The following KCTD16 variants were observed in gnomAD, a reference collection of about 807,000 sequenced individuals.
KCTD16 encodes BTB/POZ domain-containing protein KCTD16.
KCTD16 carries 13 observed loss-of-function variants against 33.2 expected under a neutral mutation model. The observed-to-expected ratio is 0.39, with a 90% CI of 0.25 to 0.62. The LOEUF is 0.62. Among genes scored for constraint, KCTD16 ranks in the 20% least tolerant of loss-of-function variants. The probability of loss-of-function intolerance (pLI) is 0.50; values close to 1 mark genes in which losing one functional copy is unlikely to be tolerated. For synonymous variants in KCTD16, 197 were observed against 195.3 expected, an observed-to-expected ratio of 1.01 and a Z score of -0.07; for missense variants, 441 against 525.1, an observed-to-expected ratio of 0.84 and a Z score of 1.57.
intron 3 of KCTD16, among the ~76,000 whole-genome samples, chr5:144,320,390 A>C (rs1752039999): frequency 6.6e-6 from 1 of 152,216 alleles, no homozygotes; most frequent in African/African-American, 2.4e-5. Flanking sequence ...TTGGCAAAGA[A>C]AGAAAAGCTC....
intron 3 of KCTD16, among the ~76,000 whole-genome samples, chr5:144,209,870 G>A (rs1753317460): frequency 6.9e-6 from 1 of 144,540 alleles, no homozygotes; most frequent in African/African-American, 2.6e-5. Context: ...ACATATATAT[G>A]TGTGTATGTA....
At chr5:144,319,264 A>G (rs1752011080) in intron 3 of KCTD16, among the ~76,000 whole-genome samples, 1 of 152,086 alleles carries the variant, frequency 6.6e-6, no homozygotes, top group African/African-American at 2.4e-5. Flanking sequence ...TTTTATTTAC[A>G]TTTTGTAGAT....
intron 3 of KCTD16, among the ~76,000 whole-genome samples, chr5:144,316,580 TC>T (rs1751921862): frequency 6.8e-6 from 1 of 147,366 alleles, no homozygotes; most frequent in African/African-American, 2.5e-5. Context: ...GCGCGATCTC[TC>T]CACTCACTGC....
chr5:144,312,787 C>T lies in KCTD16; in HGVS notation c.832+105241C>T, dbSNP rs143853690. Among the ~76,000 whole-genome samples, 61 of 152,304 alleles carry T rather than the reference C, an allele frequency of 4.0e-4. 1 individual carries two copies. In the East Asian group the frequency reaches 0.011, roughly 27 times the overall value. ...AGGGTTCCTTTTTATCCCTTTCCCT[C>T]GCACTTCTCATGGTATTTGGAATGG... On this transcript the variant is annotated intron_variant, in intron 3 of 3. Coordinates refer to ENST00000512467, the MANE Select transcript of KCTD16 (RefSeq NM_020768.4).
At chr5:144,224,852 C>A (rs1467923448) in intron 3 of KCTD16, among the ~76,000 whole-genome samples, 1 of 152,128 alleles carries the variant, frequency 6.6e-6, no homozygotes, top group African/African-American at 2.4e-5. Context: ...CCACAAAACC[C>A]CACAATGGTA....
At chr5:144,409,584 C>A (rs369073247) in intron 3 of KCTD16, among the ~76,000 whole-genome samples, 1 of 151,970 alleles carries the variant, frequency 6.6e-6, no homozygotes, top group African/African-American at 2.4e-5. Flanking sequence ...GCGGGCCAGA[C>A]GCTGTGGCTC....
intron 3 of KCTD16, among the ~76,000 whole-genome samples, chr5:144,420,322 G>A (rs1474493106): frequency 6.6e-6 from 1 of 152,080 alleles, no homozygotes; most frequent in Non-Finnish European, 1.5e-5. Flanking sequence ...AGATTATGGT[G>A]ATATTTAGGA....
At chr5:144,171,562 T>A (rs1752383705) in intron 1 of KCTD16, among the ~76,000 whole-genome samples, 1 of 151,926 alleles carries the variant, frequency 6.6e-6, no homozygotes, top group South Asian at 2.1e-4. Flanking sequence ...ATGCCAGTAC[T>A]CCCCCCAACC....
At chr5:144,216,853 A>G in intron 3 of KCTD16, among the ~76,000 whole-genome samples, 1 of 149,344 alleles carries the variant, frequency 6.7e-6, no homozygotes, top group Admixed American at 6.6e-5. Flanking sequence ...GGAAAAAAAA[A>G]AAAAAAAGAA....
intron 3 of KCTD16, among the ~76,000 whole-genome samples, chr5:144,414,197 C>T (rs1194158083): frequency 2.6e-5 from 4 of 152,156 alleles, no homozygotes; most frequent in Non-Finnish European, 1.5e-5. Flanking sequence ...CCTGTCATTT[C>T]TTCAATATTC....
chr5:144,320,048 A>AC (rs1752033166), intron 3 of KCTD16, among the ~76,000 whole-genome samples: 2 of 152,190 alleles, frequency 1.3e-5, no homozygotes, highest in African/African-American at 4.8e-5. Context: ...AGTACCAGGT[A>AC]CAATGACCTA....
intron 3 of KCTD16, among the ~76,000 whole-genome samples, chr5:144,393,274 T>C (rs1752491796): frequency 6.6e-6 from 1 of 152,196 alleles, no homozygotes; most frequent in Non-Finnish European, 1.5e-5. Flanking sequence ...ACTTTTGTAA[T>C]TGCTTTAGTT....
At chr5:144,417,650 C>T (rs1019700729) in intron 3 of KCTD16, among the ~76,000 whole-genome samples, 5 of 151,672 alleles carry the variant, frequency 3.3e-5, no homozygotes, top group Non-Finnish European at 4.4e-5. Flanking sequence ...TTTGTTTTTG[C>T]TTTTGATGTC....
At chr5:144,329,626 A>G (rs913109044) in intron 3 of KCTD16, among the ~76,000 whole-genome samples, 1 of 152,214 alleles carries the variant, frequency 6.6e-6, no homozygotes, top group Admixed American at 6.5e-5. Flanking sequence ...GTGGCCTTGA[A>G]TCAATCTGTT....
At chr5:144,443,622 G>C (rs936632232) in intron 3 of KCTD16, among the ~76,000 whole-genome samples, 8 of 151,886 alleles carry the variant, frequency 5.3e-5, no homozygotes, top group Non-Finnish European at 1.0e-4. Context: ...GTGTTTTTCT[G>C]TCATCCTCCA....
chr5:144,267,689 G>A (rs1334735466), intron 3 of KCTD16, among the ~76,000 whole-genome samples: 1 of 152,076 alleles, frequency 6.6e-6, no homozygotes, highest in East Asian at 1.9e-4. Context: ...TTGATCAATG[G>A]AGGAGGCAAA....
intron 3 of KCTD16, among the ~76,000 whole-genome samples, chr5:144,239,140 A>G (rs1414204527): frequency 6.6e-6 from 1 of 152,152 alleles, no homozygotes. Context: ...GGATAATAAT[A>G]CTTTCCAGAT....
At chr5:144,408,107 A>T (rs567742286) in intron 3 of KCTD16, among the ~76,000 whole-genome samples, 1 of 152,364 alleles carries the variant, frequency 6.6e-6, no homozygotes, top group African/African-American at 2.4e-5. Flanking sequence ...TAGATCCTTG[A>T]GTAATGGCCA....
chr5:144,303,736 G>C (rs902883594), intron 3 of KCTD16, among the ~76,000 whole-genome samples: 3 of 152,162 alleles, frequency 2.0e-5, no homozygotes, highest in Non-Finnish European at 4.4e-5. Context: ...TGGGGCTCAG[G>C]CTCTCCAGTA....
Sources: allele counts gnomAD v4.1 joint callset (sites outside exome capture counted in the v4.1 genomes callset), GRCh38; gene constraint gnomAD v4.1.1; transcripts MANE v1.5; gene names NCBI Gene and HGNC (gene_info 2026-07-23, HGNC 2026-07-21).